SZT2: variants seen among roughly 807,000 people sequenced by gnomAD.
The protein encoded by SZT2 is KICSTOR complex protein SZT2.
Under a neutral mutation model 404.2 loss-of-function variants are expected in SZT2, and 216 were observed. The observed-to-expected ratio is 0.53, with a 90% CI of 0.48 to 0.60. SZT2 has a LOEUF of 0.60. Among genes scored for constraint, SZT2 ranks in the 20% least tolerant of loss-of-function variants. The pLI is 0.00. For missense variants in SZT2, 3,857 were observed against 4,459.2 expected (o/e 0.86, Z 3.85); for synonymous variants, 1,693 against 1,749.9 (o/e 0.97, Z 0.81).
rs766552506 is a variant in SZT2 at position 43,415,969 on chromosome 1, C to G, written c.640C>G (p.Gln214Glu). 1 of 1,597,196 alleles carries G rather than the reference C, an allele frequency of 6.3e-7. No individual in the cohort carries two copies. Among genetic ancestry groups the G allele is most frequent in the Non-Finnish European group, 8.5e-7 (1 of 1,179,318 alleles). Reference sequence around the variant, plus strand: ...CTGTAACTTGGGGCAGGCAGAAGACCAGTCCCCAGACTCAGGGGACCTACT... The same window carrying G: ...CTGTAACTTGGGGCAGGCAGAAGACGAGTCCCCAGACTCAGGGGACCTACT... ...QYDPQSQAED[Q>E]SPDSGDLLGR... The change falls in exon 6 of 72, where the codon CAG (glutamine) becomes GAG (glutamate). Residue 214 changes from glutamine (Q) to glutamate (E), a missense_variant. Physicochemically the swap from Gln to Glu is conservative, Grantham distance 29. Around this residue, in one of 7 missense-constraint regions of SZT2, gnomAD observed 536 missense variants for 637.4 expected, o/e 0.84. Transcript: ENST00000634258.
At chr1:43,444,785 A>G (rs1035442173) in intron 62 of SZT2, among the ~76,000 whole-genome samples, 15 of 152,128 alleles carry the variant, frequency 9.9e-5, no homozygotes, top group Non-Finnish European at 7.4e-5. Flanking sequence ...CAGTGGCTGT[A>G]TGCGAAAAAT....
intron 6 of SZT2, 141 bp downstream of exon 6, chr1:43,416,242 CTG>C (rs1651705830): frequency 2.6e-6 from 3 of 1,147,116 alleles, no homozygotes; most frequent in African/African-American, 1.6e-5. Context: ...AAATGTAAGT[CTG>C]TATTAGTGTG....
intron 28 of SZT2, 106 bp downstream of exon 28, chr1:43,428,592 A>G (rs1215491452): frequency 4.2e-5 from 61 of 1,465,956 alleles, no homozygotes; most frequent in Non-Finnish European, 5.3e-5. Flanking sequence ...GTATCTAAGC[A>G]CCTGAGAAGC....
chr1:43,408,528 A>G (rs886745286), intron 4 of SZT2, among the ~76,000 whole-genome samples: 1 of 152,180 alleles, frequency 6.6e-6, no homozygotes, highest in African/African-American at 2.4e-5. Context: ...AGCCTCCCAA[A>G]GTACTGGGAT....
rs1207259214 is a variant in SZT2, at chr1:43,420,594, A to G, written c.1262-155A>G. 6.6e-6 allele frequency among the ~76,000 whole-genome samples: 1 copy of G among 152,178 alleles called. No individual in the cohort carries two copies. Among genetic ancestry groups the G allele is most frequent in the East Asian group, 1.9e-4 (1 of 5,204 alleles). Reference sequence around the variant, plus strand: ...GTTTCTACAAACTTGTGTTTGTGTCAGTGGGCCAACTCTGGGCCTGAAACC... The same window carrying G: ...GTTTCTACAAACTTGTGTTTGTGTCGGTGGGCCAACTCTGGGCCTGAAACC... On this transcript the variant is annotated intron_variant, in intron 9 of 71. Coordinates refer to ENST00000634258, the MANE Select transcript of SZT2 (RefSeq NM_001365999.1). This position sits in a 1 kb window ranked among gnomAD's most constrained non-coding sequence, Gnocchi z 5.1.
chr1:43,397,332 C>G (rs1649112825), intron 1 of SZT2, among the ~76,000 whole-genome samples: 1 of 150,552 alleles, frequency 6.6e-6, no homozygotes. Flanking sequence ...GAGCCTGAGG[C>G]AAGAGAATCA....
chr1:43,451,391 C>T lies in SZT2; in HGVS notation c.*911C>T. ...GTCCGGGTCCCTCCAGAGCTCCCTT[C>T]CCCAGGGCCACGCCTCACCTCGAGG... On this transcript the variant is annotated 3_prime_UTR_variant, in exon 72 of 72. Coordinates refer to ENST00000634258, the MANE Select transcript of SZT2 (RefSeq NM_001365999.1). The T allele has an allele frequency of 6.2e-7, 1 of 1,611,974 alleles. No individual in the cohort carries two copies. Among genetic ancestry groups the T allele is most frequent in the Non-Finnish European group, 8.5e-7 (1 of 1,180,018 alleles).
chr1:43,437,511 A>G lies in SZT2; in HGVS notation c.6290+3A>G, dbSNP rs878855009. The G allele has an allele frequency of 1.2e-5, 20 of 1,614,144 alleles. No homozygotes were observed. Among genetic ancestry groups the G allele is most frequent in the Non-Finnish European group, 1.7e-5 (20 of 1,180,036 alleles). On this transcript the variant is annotated splice_donor_region_variant and intron_variant, in intron 44 of 71. Transcript: ENST00000634258. The surrounding 1 kb of genome is among the most constrained non-coding windows in gnomAD (Gnocchi z 5.3). ...ACAAAGGCTGTGTACTATCTTCGGT[A>G]TGTGGCCCTTGGAAGGTGGGTAGGG...
At position 43,442,608 on chromosome 1, in the gene SZT2, G is replaced by A. The variant is rs192016258; in HGVS notation, c.8141G>A (p.Arg2714Gln). The change falls in exon 58 of 72, where the codon CGA becomes CAA. Residue 2714 changes from arginine (R) to glutamine (Q), a missense_variant. Arg to Gln is a conservative substitution (Grantham distance 43, BLOSUM62 1). This residue lies in a region of SZT2 where 573 missense variants were observed against 592.4 expected (regional missense o/e 0.97). Transcript: ENST00000634258. The surrounding 1 kb of genome is among the most constrained non-coding windows in gnomAD (Gnocchi z 4.5). ...HHYGQLDFPV[R>Q]DEKEPNPFLL... is the part of the protein sequence containing the mutation. ...TATGGCCAGTTGGACTTCCCCGTGC[G>A]AGATGAAAAGGTGCCTGCTGCTCTG... The A allele has an allele frequency of 2.6e-5, 42 of 1,602,536 alleles. No homozygotes were observed. The East Asian group carries it at 6.7e-4, about 26-fold the overall frequency.
rs746538074 is a variant in SZT2 at position 43,427,498 on chromosome 1, C to T, written c.3599-32C>T. On this transcript the variant is annotated intron_variant, in intron 25 of 71. Coordinates refer to ENST00000634258, the MANE Select transcript of SZT2 (RefSeq NM_001365999.1). ...GAGTGGGAGTGGGAAACAGATAGAG[C>T]TGGAAGACCACGTGACACCTTTTCT... is the stretch of plus-strand genomic sequence containing the variant. 4.3e-6 allele frequency: 7 copies of T among 1,613,704 alleles called. No homozygotes were observed. In the South Asian group the frequency reaches 4.4e-5, roughly 10 times the overall value.
Position 43,438,648 on chromosome 1 carries a change from T to A in SZT2, c.6509-51T>A, listed in dbSNP as rs548898810. 8.8e-5 allele frequency: 137 copies of A among 1,550,948 alleles called. 2 individuals are homozygous for A. The East Asian group carries it at 3.0e-3, about 34-fold the overall frequency. ...TGGCATGATAGGGCTGCTATGGAGG[T>A]AGCTGGATCCTCTACCAGTGTCCCC... On this transcript the variant is annotated intron_variant, in intron 46 of 71. Coordinates refer to ENST00000634258, the MANE Select transcript of SZT2 (RefSeq NM_001365999.1).
In SZT2 at chr1:43,450,003, G is replaced by A; in HGVS notation, c.10087-100G>A. ...CCTCAGGGTGCAGGCGGGGTGAGGT[G>A]TGGAGATGGAAGTAGGCCTCTCCTC... On this transcript the variant is annotated intron_variant, in intron 70 of 71. Transcript: ENST00000634258. The surrounding 1 kb of genome is among the most constrained non-coding windows in gnomAD (Gnocchi z 4.3). 7.0e-7 allele frequency: 1 copy of A among 1,419,822 alleles called. No homozygotes were observed. Among genetic ancestry groups the A allele is most frequent in the Non-Finnish European group, 9.9e-7 (1 of 1,007,410 alleles). The allele number at this position is 1,419,822 out of a possible 1,614,324, so 88.0% of individuals were successfully genotyped here.
At chr1:43,436,080 A>G (rs1264988962) in intron 42 of SZT2, 2 of 152,194 alleles carry the variant, frequency 1.3e-5, no homozygotes, top group African/African-American at 2.4e-5. Context: ...TCAAGATGGT[A>G]ACTGAAGTCT....
chr1:43,436,681 G>T (rs1317051000), intron 42 of SZT2: 1 of 163,240 alleles, frequency 6.1e-6, no homozygotes, highest in Non-Finnish European at 1.3e-5. Context: ...ATGGGCTCCT[G>T]TGTACTGCCA....
intron 14 of SZT2, 75 bp from the exon 15 acceptor site, chr1:43,423,024 A>G: frequency 6.6e-7 from 1 of 1,516,816 alleles, no homozygotes; most frequent in Non-Finnish European, 8.9e-7. Context: ...GCTGTGTCTC[A>G]CTTTGTCTGT....
chr1:43,397,394 C>G (rs146080749), intron 1 of SZT2, among the ~76,000 whole-genome samples: 2,513 of 150,930 alleles, frequency 0.017, 73 homozygotes, highest in African/African-American at 0.058. Flanking sequence ...CTGCTGCACT[C>G]CAGCCTGGGT....
chr1:43,411,901 C>T (rs1405958388), intron 4 of SZT2: 1 of 151,356 alleles, frequency 6.6e-6, no homozygotes, highest in Non-Finnish European at 1.5e-5. Flanking sequence ...GCCTCAGCCT[C>T]CCGAGTAGCT....
chr1:43,446,160 C>T lies in SZT2; in HGVS notation c.8917-19C>T, dbSNP rs772511814. The T allele has an allele frequency of 1.9e-6, 3 of 1,614,170 alleles. No individual in the cohort carries two copies. The highest frequency in any genetic ancestry group is 2.5e-6 in the Non-Finnish European group (3 of 1,179,996). ...GGCTGGTGAGCCCCCAAACCTTGCCCCCTTTTTTGTTTCTTCAGAGCACTA... is the reference window on the plus strand; with the variant it reads ...GGCTGGTGAGCCCCCAAACCTTGCCTCCTTTTTTGTTTCTTCAGAGCACTA... On this transcript the variant is annotated intron_variant, in intron 63 of 71. Transcript: ENST00000634258.
intron 11 of SZT2, 46 bp downstream of exon 11, chr1:43,421,349 G>T (rs1282983585): frequency 6.3e-7 from 1 of 1,588,816 alleles, no homozygotes. Flanking sequence ...GTCAACTTGG[G>T]TTGCACAGCA....
Sources: gnomAD v4.1 joint callset for allele counts (sites outside exome capture counted in the v4.1 genomes callset) on GRCh38, gnomAD v4.1.1 for gene constraint, gnomAD v4.1.1 regional missense constraint, Gnocchi (gnomAD v3.1) non-coding constraint, MANE v1.5 for transcripts, NCBI Gene and HGNC (gene_info 2026-07-23, HGNC 2026-07-21) for gene names.